Variants in ALK observed in about 807,000 individuals in gnomAD.
The protein encoded by ALK is ALK receptor tyrosine kinase.
Under a neutral mutation model 163.1 loss-of-function variants are expected in ALK, and 74 were observed. That is an observed-to-expected ratio of 0.45 (90% CI 0.38 to 0.55). The LOEUF is 0.55. Among genes scored for constraint, ALK ranks in the 20% least tolerant of loss-of-function variants. ALK has a pLI of 0.00. For missense variants in ALK, 2,063 were observed against 2,105.3 expected, an observed-to-expected ratio of 0.98 and a Z score of 0.39; for synonymous variants, 960 against 843.2, an observed-to-expected ratio of 1.14 and a Z score of -2.40.
intron 1 of ALK, among the ~76,000 whole-genome samples, chr2:29,829,780 G>T (rs935568418): frequency 6.6e-6 from 1 of 152,164 alleles, no homozygotes; most frequent in Non-Finnish European, 1.5e-5. Flanking sequence ...GAAGCACAGT[G>T]CCCCAAGCTA....
chr2:29,639,205 G>C (rs1220196896), intron 3 of ALK, among the ~76,000 whole-genome samples: 1 of 152,142 alleles, frequency 6.6e-6, no homozygotes, highest in Admixed American at 6.5e-5. Context: ...ATCTTGCATG[G>C]AGGTCGGCAT....
chr2:29,341,679 C>T (rs897760527), intron 5 of ALK, among the ~76,000 whole-genome samples: 2 of 152,206 alleles, frequency 1.3e-5, no homozygotes, highest in African/African-American at 2.4e-5. Context: ...CAGACTCCAA[C>T]CTAGCAGTGT....
intron 5 of ALK, among the ~76,000 whole-genome samples, chr2:29,343,470 C>T (rs978844724): frequency 3.9e-5 from 6 of 152,114 alleles, no homozygotes; most frequent in Non-Finnish European, 7.4e-5. Flanking sequence ...CTGCTTTAGC[C>T]TCCCAAAGTG....
chr2:29,215,227 A>C (rs1669569680), intron 23 of ALK, among the ~76,000 whole-genome samples: 1 of 152,184 alleles, frequency 6.6e-6, no homozygotes, highest in South Asian at 2.1e-4. Context: ...TGAGGTGCCC[A>C]CAGGGAAGTC....
At position 29,318,292 on chromosome 2, in the gene ALK, AAGG is replaced by A; in HGVS notation, c.1647+9_1647+11del. The A allele has an allele frequency of 6.2e-7, 1 of 1,600,596 alleles. No individual in the cohort carries two copies. The highest frequency in any genetic ancestry group is 8.6e-7 in the Non-Finnish European group (1 of 1,167,692). On this transcript the variant is annotated intron_variant, in intron 8 of 28. Coordinates refer to ENST00000389048, the MANE Select transcript of ALK (RefSeq NM_004304.5). ...GGAGAAATTAGAGAACTAGAGAAAC[AAGG>A]AGACTTGCCTCACATGGAGAGCTCT... is the stretch of plus-strand genomic sequence containing the variant.
At chr2:29,762,650 T>A (rs1458360309) in intron 1 of ALK, among the ~76,000 whole-genome samples, 2 of 152,202 alleles carry the variant, frequency 1.3e-5, no homozygotes, top group African/African-American at 2.4e-5. Flanking sequence ...TAGACATATG[T>A]GGCTCTGAAC....
chr2:29,407,156 C>T (rs575949810), intron 4 of ALK, among the ~76,000 whole-genome samples: 37 of 152,274 alleles, frequency 2.4e-4, no homozygotes, highest in African/African-American at 8.2e-4. Flanking sequence ...TAACTGCCTA[C>T]GATTCAACTT....
chr2:29,389,898 A>T (rs55641489), intron 4 of ALK, among the ~76,000 whole-genome samples: 9,715 of 152,184 alleles, frequency 0.064, 561 homozygotes, highest in East Asian at 0.32. Flanking sequence ...TGTAATTGAG[A>T]CCTGGAGGAT....
At chr2:29,511,020 GCA>G (rs1462856490) in intron 4 of ALK, among the ~76,000 whole-genome samples, 1 of 152,042 alleles carries the variant, frequency 6.6e-6, no homozygotes, top group Non-Finnish European at 1.5e-5. Flanking sequence ...TACACTCAAT[GCA>G]CTTGTCTGTA....
chr2:29,526,863 T>C (rs1672972356), intron 4 of ALK, among the ~76,000 whole-genome samples: 1 of 152,212 alleles, frequency 6.6e-6, no homozygotes, highest in Non-Finnish European at 1.5e-5. Flanking sequence ...GTGGCATCTT[T>C]CCACAGGTGC....
chr2:29,505,058 G>T (rs1020449513), intron 4 of ALK, among the ~76,000 whole-genome samples: 12 of 152,262 alleles, frequency 7.9e-5, no homozygotes, highest in Admixed American at 1.3e-4. Context: ...GTGTGGTTAG[G>T]ATTGTGAAGG....
intron 3 of ALK, among the ~76,000 whole-genome samples, chr2:29,588,577 G>A (rs529022254): frequency 4.6e-5 from 7 of 152,210 alleles, no homozygotes; most frequent in Admixed American, 3.3e-4. Flanking sequence ...TGGGGATTGT[G>A]GTAAGGTGAG....
chr2:29,765,437 A>C (rs1214489640), intron 1 of ALK, among the ~76,000 whole-genome samples: 1 of 152,060 alleles, frequency 6.6e-6, no homozygotes, highest in East Asian at 1.9e-4. Context: ...CCTCATCATG[A>C]TGCTGCTATC....
intron 4 of ALK, among the ~76,000 whole-genome samples, chr2:29,421,983 T>C (rs1489875498): frequency 3.3e-5 from 5 of 151,510 alleles, no homozygotes; most frequent in Admixed American, 2.6e-4. Context: ...CCAAGAGTGC[T>C]TGGAAGTAGC....
intron 4 of ALK, among the ~76,000 whole-genome samples, chr2:29,453,258 G>T (rs182874287): frequency 1.3e-5 from 2 of 152,278 alleles, no homozygotes; most frequent in Admixed American, 1.3e-4. Flanking sequence ...CTGAGACAGA[G>T]TCTCAGTCTG....
At chr2:29,307,734 A>C (rs1033512855) in intron 8 of ALK, among the ~76,000 whole-genome samples, 2 of 152,248 alleles carry the variant, frequency 1.3e-5, no homozygotes, top group South Asian at 2.1e-4. Flanking sequence ...GCCTAATGAC[A>C]AATCAACCCA....
At chr2:29,826,903 T>C (rs1665218090) in intron 1 of ALK, among the ~76,000 whole-genome samples, 1 of 152,270 alleles carries the variant, frequency 6.6e-6, no homozygotes, top group Non-Finnish European at 1.5e-5. Context: ...ATGTCGGTAT[T>C]AGTCAGATGT....
chr2:29,917,433 T>C (rs1476672400), intron 1 of ALK, among the ~76,000 whole-genome samples: 1 of 152,180 alleles, frequency 6.6e-6, no homozygotes, highest in African/African-American at 2.4e-5. Context: ...TCTCCAAACA[T>C]GATAAATAGC....
Position 29,223,384 on chromosome 2 carries a change from C to G in ALK, c.3317G>C (p.Ser1106Thr), listed in dbSNP as rs2148170768. ...TTTCCGCGGCACCTCCTTCAGGTCACTGATGGAGGAGGTCTTGCCAGCAAA... is the reference window on the plus strand; with the variant it reads ...TTTCCGCGGCACCTCCTTCAGGTCAGTGATGGAGGAGGTCTTGCCAGCAAA... ...YCFAGKTSSI[S>T]DLKEVPRKNI... is the part of the protein sequence containing the mutation. Residue 1106 changes from serine (S) to threonine (T), a missense_variant, in exon 20 of 29, where the codon AGT becomes ACT. By Grantham distance (58) the Ser-to-Thr change is moderately conservative. Around this residue, in one of 5 missense-constraint regions of ALK, gnomAD observed 575 missense variants for 626.6 expected, o/e 0.92. Transcript: ENST00000389048. 1 of 1,614,202 alleles carries G rather than the reference C, an allele frequency of 6.2e-7. No individual in the cohort carries two copies. Among genetic ancestry groups the G allele is most frequent in the Non-Finnish European group, 8.5e-7 (1 of 1,180,048 alleles).
Sources: allele counts gnomAD v4.1 joint callset (sites outside exome capture counted in the v4.1 genomes callset), GRCh38; gene constraint gnomAD v4.1.1; regional missense constraint gnomAD v4.1.1; transcripts MANE v1.5; gene names NCBI Gene and HGNC (gene_info 2026-07-23, HGNC 2026-07-21).